The following ZRANB3 variants were observed in gnomAD, a reference collection of about 807,000 sequenced individuals.
ZRANB3 encodes the protein DNA annealing helicase and endonuclease ZRANB3.
In ZRANB3, 125 loss-of-function variants were observed where a neutral mutation model predicts 133.8. The observed-to-expected ratio is 0.93, with a 90% CI of 0.81 to 1.08. The LOEUF is 1.08. Among genes scored for constraint, ZRANB3 ranks in the 50% least tolerant of loss-of-function variants. The pLI, the probability that ZRANB3 is intolerant of heterozygous loss-of-function variation, is 0.00. For missense variants in ZRANB3, 1,229 were observed against 1,275.5 expected, an observed-to-expected ratio of 0.96 and a Z score of 0.56; for synonymous variants, 387 against 432.7, an observed-to-expected ratio of 0.89 and a Z score of 1.31.
intron 2 of ZRANB3, among the ~76,000 whole-genome samples, chr2:135,485,566 G>A (rs1215170288): frequency 6.6e-6 from 1 of 152,134 alleles, no homozygotes; most frequent in Non-Finnish European, 1.5e-5. Context: ...ACTGTGCAGG[G>A]TGCTGTCATA....
intron 8 of ZRANB3, among the ~76,000 whole-genome samples, chr2:135,297,031 C>T (rs1207127060): frequency 1.3e-5 from 2 of 152,242 alleles, no homozygotes; most frequent in South Asian, 4.1e-4. Flanking sequence ...GTCAGGGACC[C>T]ACTTGAGGAG....
intron 8 of ZRANB3, among the ~76,000 whole-genome samples, chr2:135,301,301 C>T (rs567899195): frequency 3.3e-5 from 5 of 151,748 alleles, no homozygotes; most frequent in Non-Finnish European, 7.4e-5. Context: ...TTCTCCTGCC[C>T]CAGCTTCCCG....
chr2:135,470,612 G>A (rs1204975722), intron 2 of ZRANB3, among the ~76,000 whole-genome samples: 4 of 150,804 alleles, frequency 2.7e-5, no homozygotes, highest in East Asian at 2.0e-4. Flanking sequence ...GCTTGAATTC[G>A]GGAGGCGGAG....
At chr2:135,326,134 A>C (rs552248913) in intron 6 of ZRANB3, among the ~76,000 whole-genome samples, 118 of 152,336 alleles carry the variant, frequency 7.7e-4, no homozygotes, top group African/African-American at 2.6e-3. Context: ...ACCCCAAAAA[A>C]CAGTAAAATT....
At chr2:135,312,346 C>T (rs1196783256) in intron 8 of ZRANB3, among the ~76,000 whole-genome samples, 1 of 151,840 alleles carries the variant, frequency 6.6e-6, no homozygotes, top group African/African-American at 2.4e-5. Flanking sequence ...GACATGCACA[C>T]TACCATGTCT....
chr2:135,291,685 G>A (rs1681744361), intron 8 of ZRANB3, among the ~76,000 whole-genome samples: 1 of 151,552 alleles, frequency 6.6e-6, no homozygotes, highest in African/African-American at 2.4e-5. Flanking sequence ...ATGTTGGTGT[G>A]CTGCACCCAT....
At chr2:135,204,650 A>AAAAT (rs1553454875) in intron 19 of ZRANB3, among the ~76,000 whole-genome samples, 11 of 141,752 alleles carry the variant, frequency 7.8e-5, no homozygotes, top group South Asian at 2.2e-4. Context: ...AAAAAAAAAA[A>AAAAT]ATATATATAT....
At chr2:135,267,003 C>G (rs1314303228) in intron 11 of ZRANB3, among the ~76,000 whole-genome samples, 1 of 152,150 alleles carries the variant, frequency 6.6e-6, no homozygotes, top group Non-Finnish European at 1.5e-5. Context: ...TAAAACCAAG[C>G]TGTAGCCCAA....
At chr2:135,451,373 C>T (rs977077643) in intron 2 of ZRANB3, among the ~76,000 whole-genome samples, 2 of 151,952 alleles carry the variant, frequency 1.3e-5, no homozygotes, top group South Asian at 2.1e-4. Context: ...AGTAGCCTGG[C>T]CAACATGGAG....
chr2:135,259,122 C>T (rs1175665232), intron 12 of ZRANB3, among the ~76,000 whole-genome samples: 2 of 151,796 alleles, frequency 1.3e-5, no homozygotes, highest in East Asian at 3.9e-4. Flanking sequence ...TGAGCTCAAG[C>T]AATCCTCCCA....
chr2:135,490,633 T>C (rs958511961), intron 2 of ZRANB3, among the ~76,000 whole-genome samples: 11 of 152,138 alleles, frequency 7.2e-5, no homozygotes, highest in Non-Finnish European at 1.5e-4. Context: ...ATCCAGCAAT[T>C]CCACTACTGG....
At chr2:135,492,452 G>T (rs1210946937) in intron 2 of ZRANB3, among the ~76,000 whole-genome samples, 1 of 152,100 alleles carries the variant, frequency 6.6e-6, no homozygotes, top group African/African-American at 2.4e-5. Context: ...TTATAATAAA[G>T]AAATTTTATA....
chr2:135,329,603 T>A (rs1415646788), intron 6 of ZRANB3, among the ~76,000 whole-genome samples: 1 of 152,188 alleles, frequency 6.6e-6, no homozygotes, highest in Non-Finnish European at 1.5e-5. Flanking sequence ...AAGAAAGTCA[T>A]TGGTAGCGTG....
At chr2:135,496,030 C>A (rs896878949) in intron 2 of ZRANB3, among the ~76,000 whole-genome samples, 1 of 152,000 alleles carries the variant, frequency 6.6e-6, no homozygotes, top group Non-Finnish European at 1.5e-5. Flanking sequence ...AACTGCAAGC[C>A]AAGAATCTAA....
chr2:135,315,630 C>T lies in ZRANB3; in HGVS notation c.678-100G>A, dbSNP rs181590063. ...TCCTTTTAATGATAAGGAGCCATGA[C>T]ACTGTTTTCATTGATATTTCTGAAT... On this transcript the variant is annotated intron_variant, in intron 6 of 20. Coordinates refer to ENST00000264159, the MANE Select transcript of ZRANB3 (RefSeq NM_032143.4). 1.6e-4 allele frequency: 134 copies of T among 850,180 alleles called. No individual in the cohort carries two copies. The African/African-American group carries it at 2.2e-3, about 14-fold the overall frequency. The allele number at this position is 850,180 out of a possible 1,614,324, so 52.7% of individuals were successfully genotyped here.
chr2:135,222,656 C>T (rs957900391), intron 15 of ZRANB3, among the ~76,000 whole-genome samples: 4 of 152,042 alleles, frequency 2.6e-5, no homozygotes, highest in Admixed American at 6.6e-5. Context: ...CACTGTTTTC[C>T]ATTAAGACTT....
intron 2 of ZRANB3, among the ~76,000 whole-genome samples, chr2:135,407,966 T>A (rs1006409714): frequency 6.7e-5 from 10 of 150,050 alleles, no homozygotes; most frequent in Non-Finnish European, 1.2e-4. Flanking sequence ...AAGCCAAAAT[T>A]GTCAAATGGG....
chr2:135,420,909 G>A (rs183179201), intron 2 of ZRANB3, among the ~76,000 whole-genome samples: 1 of 152,208 alleles, frequency 6.6e-6, no homozygotes, highest in Admixed American at 6.5e-5. Flanking sequence ...TGTTTAAAAT[G>A]ATTCTCAGGA....
chr2:135,456,917 C>A (rs1339053361), intron 2 of ZRANB3, among the ~76,000 whole-genome samples: 1 of 152,122 alleles, frequency 6.6e-6, no homozygotes, highest in Non-Finnish European at 1.5e-5. Context: ...GCAGGATTGA[C>A]AAGGAAATTA....
Sources: gnomAD v4.1 joint callset for allele counts (sites outside exome capture counted in the v4.1 genomes callset) on GRCh38, gnomAD v4.1.1 for gene constraint, MANE v1.5 for transcripts, NCBI Gene and HGNC (gene_info 2026-07-23, HGNC 2026-07-21) for gene names.